The following SYT9 variants were observed in gnomAD, a reference collection of about 807,000 sequenced individuals.
SYT9 encodes synaptotagmin-9.
In SYT9, 22 loss-of-function variants were observed where a neutral mutation model predicts 48.4. The observed-to-expected ratio is 0.45, with a 90% confidence interval of 0.32 to 0.65. The LOEUF is 0.65. Ranked by LOEUF, SYT9 falls within the 30% of genes least tolerant of loss-of-function variation. The pLI, the probability that SYT9 is intolerant of heterozygous loss-of-function variation, is 0.03. For synonymous variants in SYT9, 265 were observed against 245.0 expected (o/e 1.08, Z -0.76); for missense variants, 577 against 622.0 (o/e 0.93, Z 0.77).
chr11:7,369,399 T>C (rs767303629), intron 3 of SYT9, among the ~76,000 whole-genome samples: 43 of 152,234 alleles, frequency 2.8e-4, no homozygotes, highest in Middle Eastern at 6.8e-3. Context: ...GATAGGTAGA[T>C]TGCAAAAAAT....
At chr11:7,321,192 G>A (rs1849332478) in intron 3 of SYT9, among the ~76,000 whole-genome samples, 1 of 152,162 alleles carries the variant, frequency 6.6e-6, no homozygotes, top group Non-Finnish European at 1.5e-5. Flanking sequence ...CAGTTCAGAA[G>A]AGGCAAGGAC....
Position 7,303,383 on chromosome 11 carries a change from T to C in SYT9, c.490T>C (p.Ser164Pro), listed in dbSNP as rs772943028. ...VQRQVTEPTS[S>P]ARHNSIRRQL... is the part of the protein sequence containing the mutation. ...GCGCCAAGTCACAGAGCCAACCTCG[T>C]CGGCCCGGTCAGTAATGCCTTCTCC... The change falls in exon 2 of 7, where the codon TCG becomes CCG. Residue 164 changes from serine (S) to proline (P), a missense_variant. Transcript: ENST00000318881. 10 of 1,605,824 alleles carry C rather than the reference T, an allele frequency of 6.2e-6. No homozygotes were observed. Among genetic ancestry groups the C allele is most frequent in the Non-Finnish European group, 8.5e-6 (10 of 1,177,298 alleles).
intron 2 of SYT9, among the ~76,000 whole-genome samples, chr11:7,303,597 C>T (rs144819649): frequency 6.6e-6 from 1 of 152,312 alleles, no homozygotes; most frequent in East Asian, 1.9e-4. Context: ...ATCATTAAGA[C>T]AGCATGTGTG....
chr11:7,463,674 A>G (rs1848273927), intron 6 of SYT9, among the ~76,000 whole-genome samples: 1 of 152,206 alleles, frequency 6.6e-6, no homozygotes. Flanking sequence ...TAATCCTGTC[A>G]TCTTGTGGGC....
Position 7,466,993 on chromosome 11 carries a change from G to T in SYT9, c.*193G>T, listed in dbSNP as rs552575810. The stretch of plus-strand genomic sequence containing the variant: ...CTGAATGGTCCAGCCACCTTCTGCA[G>T]GTGGCCCAAGGTGATGTGCTGCAGG... On this transcript the variant is annotated 3_prime_UTR_variant, in exon 7 of 7. Coordinates refer to ENST00000318881, the MANE Select transcript of SYT9 (RefSeq NM_175733.4). 206 of 626,592 alleles carry T rather than the reference G, an allele frequency of 3.3e-4. No homozygotes were observed. Among genetic ancestry groups the T allele is most frequent in the Non-Finnish European group, 4.9e-4 (172 of 353,952 alleles). The allele number at this position is 626,592 out of a possible 1,614,324, so 38.8% of individuals were successfully genotyped here.
chr11:7,394,763 A>G (rs1481485217), intron 3 of SYT9, among the ~76,000 whole-genome samples: 3 of 152,066 alleles, frequency 2.0e-5, no homozygotes, highest in Non-Finnish European at 2.9e-5. Flanking sequence ...TCCTTTAGGT[A>G]CAAGTCAGAT....
At chr11:7,420,772 G>C in intron 6 of SYT9, 137 bp downstream of exon 6, 6 of 1,050,240 alleles carry the variant, frequency 5.7e-6, no homozygotes, top group Non-Finnish European at 8.2e-6. Context: ...TCCTGGGGCT[G>C]TTGGGACTTG....
intron 1 of SYT9, among the ~76,000 whole-genome samples, chr11:7,243,344 A>T (rs1847758464): frequency 6.6e-6 from 1 of 152,230 alleles, no homozygotes; most frequent in Non-Finnish European, 1.5e-5. Context: ...GTGATTAAGC[A>T]CTAAACTCGG....
intron 3 of SYT9, among the ~76,000 whole-genome samples, chr11:7,359,589 C>A (rs1192151159): frequency 8.9e-6 from 1 of 111,868 alleles, no homozygotes; most frequent in Non-Finnish European, 2.0e-5. Flanking sequence ...ATTTGCATTT[C>A]TCTGATGGCC....
chr11:7,313,042 T>A (rs1031119129), intron 2 of SYT9, among the ~76,000 whole-genome samples: 1 of 152,232 alleles, frequency 6.6e-6, no homozygotes, highest in African/African-American at 2.4e-5. Context: ...TAAAGTTGAA[T>A]AATTTTATTT....
In SYT9 at chr11:7,448,892, G is replaced by A. The variant is rs185888372; in HGVS notation, c.1468-17900G>A. The stretch of plus-strand genomic sequence containing the variant: ...CTGCCAGGCCCAGTTGACTGGGGTG[G>A]GGCAGATTCAGGGCTTGAGGTGGAA... On this transcript the variant is annotated intron_variant, in intron 6 of 6. Coordinates refer to ENST00000318881, the MANE Select transcript of SYT9 (RefSeq NM_175733.4). Among the ~76,000 whole-genome samples the A allele has an allele frequency of 9.9e-5, 15 of 152,258 alleles. No individual in the cohort carries two copies. In the East Asian group the frequency reaches 2.1e-3, roughly 22 times the overall value.
intron 3 of SYT9, among the ~76,000 whole-genome samples, chr11:7,413,483 C>G (rs1392147122): frequency 6.6e-6 from 1 of 152,154 alleles, no homozygotes; most frequent in Non-Finnish European, 1.5e-5. Context: ...TCGAGGGGCT[C>G]TCCTGTCAGT....
At chr11:7,447,120 G>T (rs140356911) in intron 6 of SYT9, among the ~76,000 whole-genome samples, 2 of 152,192 alleles carry the variant, frequency 1.3e-5, no homozygotes, top group African/African-American at 4.8e-5. Context: ...CTGATTCGGG[G>T]TCTGATCAAT....
At chr11:7,309,357 C>T (rs112552741) in intron 2 of SYT9, among the ~76,000 whole-genome samples, 1,584 of 152,280 alleles carry the variant, frequency 0.01, 16 homozygotes, top group African/African-American at 0.034. Context: ...TTTTCATTCA[C>T]TGTGCACATT....
intron 3 of SYT9, among the ~76,000 whole-genome samples, chr11:7,372,870 G>T (rs900637606): frequency 1.2e-4 from 18 of 152,056 alleles, no homozygotes; most frequent in Non-Finnish European, 1.5e-5. Flanking sequence ...TTGAGTAATT[G>T]TGGTGACAGC....
intron 3 of SYT9, among the ~76,000 whole-genome samples, chr11:7,371,343 C>A (rs1273895570): frequency 6.6e-6 from 1 of 151,990 alleles, no homozygotes; most frequent in Non-Finnish European, 1.5e-5. Context: ...TAGACTATCT[C>A]CACTTACTCT....
At chr11:7,391,965 T>G (rs1028250402) in intron 3 of SYT9, among the ~76,000 whole-genome samples, 26 of 151,662 alleles carry the variant, frequency 1.7e-4, no homozygotes, top group Admixed American at 4.6e-4. Context: ...CTAATGAGGT[T>G]TTTTTTTCTT....
chr11:7,396,427 T>G (rs1846754160), intron 3 of SYT9, among the ~76,000 whole-genome samples: 1 of 152,138 alleles, frequency 6.6e-6, no homozygotes, highest in Non-Finnish European at 1.5e-5. Context: ...ACATGTTGTT[T>G]CTTGTATCAG....
chr11:7,358,019 A>G (rs976018259), intron 3 of SYT9, among the ~76,000 whole-genome samples: 9 of 152,188 alleles, frequency 5.9e-5, no homozygotes, highest in Admixed American at 5.2e-4. Flanking sequence ...TAAAAGCAGA[A>G]AAAACACTGG....
Sources: gnomAD v4.1 joint callset for allele counts (sites outside exome capture counted in the v4.1 genomes callset) on GRCh38, gnomAD v4.1.1 for gene constraint, MANE v1.5 for transcripts, NCBI Gene and HGNC (gene_info 2026-07-23, HGNC 2026-07-21) for gene names.